The following PSMB2 variants were observed in gnomAD, a reference collection of about 807,000 sequenced individuals.
The protein encoded by PSMB2 is proteasome 20S subunit beta 2.
PSMB2 carries 13 observed loss-of-function variants against 25.7 expected under a neutral mutation model. That is an observed-to-expected ratio of 0.51 (90% CI 0.33 to 0.80). PSMB2 has a LOEUF of 0.80. PSMB2 is among the 30% of genes least tolerant of loss of function. The pLI, the probability that PSMB2 is intolerant of heterozygous loss-of-function variation, is 0.02. For synonymous variants in PSMB2, 87 were observed against 96.2 expected, an observed-to-expected ratio of 0.90 and a Z score of 0.56; for missense variants, 202 against 259.0, an observed-to-expected ratio of 0.78 and a Z score of 1.51.
At chr1:35,606,514 GA>G (rs1650174567) in intron 4 of PSMB2, among the ~76,000 whole-genome samples, 1 of 152,014 alleles carries the variant, frequency 6.6e-6, no homozygotes, top group African/African-American at 2.4e-5. Context: ...CCTCTATAAC[GA>G]AAACTATAAA....
chr1:35,622,855 A>C (rs1650731343), intron 3 of PSMB2, among the ~76,000 whole-genome samples: 1 of 152,134 alleles, frequency 6.6e-6, no homozygotes, highest in Non-Finnish European at 1.5e-5. Context: ...ATTTCCTGAT[A>C]AAGCCAGTAA....
chr1:35,632,333 T>A (rs1390612373), intron 2 of PSMB2, among the ~76,000 whole-genome samples: 1 of 152,230 alleles, frequency 6.6e-6, no homozygotes, highest in African/African-American at 2.4e-5. Flanking sequence ...CCCTGTAGAA[T>A]GGGACCAGTG....
At chr1:35,604,736 T>C (rs1004363088) in intron 5 of PSMB2, among the ~76,000 whole-genome samples, 2 of 152,098 alleles carry the variant, frequency 1.3e-5, no homozygotes, top group Admixed American at 6.5e-5. Context: ...GCTGAAATCG[T>C]GCCACTGCAC....
At chr1:35,608,934 T>G (rs535224732) in intron 4 of PSMB2, among the ~76,000 whole-genome samples, 1 of 152,234 alleles carries the variant, frequency 6.6e-6, no homozygotes, top group Non-Finnish European at 1.5e-5. Context: ...CTCTTAGAAA[T>G]GAAGGATTTT....
rs186104423 is a variant in PSMB2, at chr1:35,624,701, C to T, written c.285+6573G>A. ...CCAGGAGGCAGAGGTTGCAGTGAGCCGAGATTACACCACTGCATTCCAGAC... is the reference window on the plus strand; with the variant it reads ...CCAGGAGGCAGAGGTTGCAGTGAGCTGAGATTACACCACTGCATTCCAGAC... On this transcript the variant is annotated intron_variant, in intron 3 of 5. Transcript: ENST00000373237. Among the ~76,000 whole-genome samples the T allele has an allele frequency of 6.6e-3, 1,002 of 151,120 alleles. 9 individuals are homozygous for T. Among genetic ancestry groups the T allele is most frequent in the African/African-American group, 0.023 (947 of 41,106 alleles).
intron 5 of PSMB2, 101 bp downstream of exon 5, chr1:35,605,132 C>G (rs981489554): frequency 2.3e-5 from 28 of 1,203,854 alleles, no homozygotes; most frequent in Non-Finnish European, 3.2e-5. Flanking sequence ...ATGTATTACA[C>G]CTTCTGGCAA....
intron 4 of PSMB2, among the ~76,000 whole-genome samples, chr1:35,608,682 C>T (rs1028227587): frequency 6.6e-6 from 1 of 152,144 alleles, no homozygotes; most frequent in Non-Finnish European, 1.5e-5. Context: ...GCTTTACGGA[C>T]AAGTAGAGCG....
intron 1 of PSMB2, among the ~76,000 whole-genome samples, chr1:35,639,624 A>G (rs546148759): frequency 7.2e-5 from 11 of 152,360 alleles, no homozygotes; most frequent in African/African-American, 2.6e-4. Flanking sequence ...AGTACTGTGT[A>G]CATAAGTAGG....
intron 4 of PSMB2, among the ~76,000 whole-genome samples, chr1:35,608,919 T>C (rs898468177): frequency 8.5e-5 from 13 of 152,310 alleles, no homozygotes; most frequent in African/African-American, 2.9e-4. Flanking sequence ...GTGAAAAAAC[T>C]TGAACTCTTA....
chr1:35,625,541 C>A (rs1249427060), intron 3 of PSMB2, among the ~76,000 whole-genome samples: 1 of 151,816 alleles, frequency 6.6e-6, no homozygotes, highest in Non-Finnish European at 1.5e-5. Flanking sequence ...GGCGGGTGGA[C>A]CACGAGGTCA....
At chr1:35,619,100 A>G (rs1247912493) in intron 3 of PSMB2, among the ~76,000 whole-genome samples, 2 of 152,232 alleles carry the variant, frequency 1.3e-5, no homozygotes, top group Admixed American at 6.5e-5. Context: ...ATTCTCCGAA[A>G]GTATATTTGG....
chr1:35,603,738 A>G (rs529372150), intron 5 of PSMB2, among the ~76,000 whole-genome samples: 2 of 152,312 alleles, frequency 1.3e-5, no homozygotes, highest in East Asian at 3.9e-4. Context: ...ATAAGCTAAC[A>G]AAGAGTGATT....
intron 3 of PSMB2, among the ~76,000 whole-genome samples, chr1:35,612,193 C>T (rs190626596): frequency 1.2e-3 from 184 of 152,168 alleles, no homozygotes; most frequent in Non-Finnish European, 1.7e-3. Context: ...GAGTAGCGTG[C>T]GGCACTCTGC....
At chr1:35,637,257 G>A (rs757483464) in intron 1 of PSMB2, among the ~76,000 whole-genome samples, 16 of 152,104 alleles carry the variant, frequency 1.1e-4, no homozygotes, top group Non-Finnish European at 2.2e-4. Flanking sequence ...AAAATCAACT[G>A]AGAATATTAA....
In PSMB2 at chr1:35,641,508, G is replaced by T. The variant is rs1651396225; in HGVS notation, c.-76C>A. ...GCTTCCAGGTCTCACCGGTGAGACAGCACCTCAGAGCGAAGATTGGCGCGA... is the reference window on the plus strand; with the variant it reads ...GCTTCCAGGTCTCACCGGTGAGACATCACCTCAGAGCGAAGATTGGCGCGA... On this transcript the variant is annotated 5_prime_UTR_variant, in exon 1 of 6. In the 5' UTR this introduces an upstream ATG that the reference lacks. Coordinates refer to ENST00000373237, the MANE Select transcript of PSMB2 (RefSeq NM_002794.5). 6.3e-7 allele frequency: 1 copy of T among 1,591,736 alleles called. No individual in the cohort carries two copies. The highest frequency in any genetic ancestry group is 1.3e-5 in the African/African-American group (1 of 74,428).
At chr1:35,640,103 T>TACTGTACTGTA (rs11269632) in intron 1 of PSMB2, among the ~76,000 whole-genome samples, 1 of 102,356 alleles carries the variant, frequency 9.8e-6, no homozygotes, top group African/African-American at 3.3e-5. Context: ...TACTATACTA[T>TACTGTACTGTA]CTATACTAAA....
chr1:35,600,890 A>G lies in PSMB2; in HGVS notation c.*2377T>C. The G allele has an allele frequency of 2.0e-6, 2 of 984,966 alleles. No individual in the cohort carries two copies. Among genetic ancestry groups the G allele is most frequent in the Non-Finnish European group, 1.2e-6 (1 of 829,540 alleles). 61.0% of individuals were successfully genotyped at this position (984,966 alleles called of 1,614,324 possible). On this transcript the variant is annotated 3_prime_UTR_variant, in exon 6 of 6. Transcript: ENST00000373237. ...CTTACTGAGCACTTACCACATGCCA[A>G]GCCCTGAACTAAATGTTTACCTATA...
intron 3 of PSMB2, among the ~76,000 whole-genome samples, chr1:35,611,863 G>A (rs920932878): frequency 6.6e-6 from 1 of 151,750 alleles, no homozygotes; most frequent in Non-Finnish European, 1.5e-5. Flanking sequence ...GAGAGATGGG[G>A]TCTCACTATG....
At chr1:35,624,300 T>G (rs1332650156) in intron 3 of PSMB2, among the ~76,000 whole-genome samples, 8 of 152,228 alleles carry the variant, frequency 5.3e-5, no homozygotes, top group African/African-American at 1.7e-4. Flanking sequence ...CCCAAGGTTT[T>G]CAACTAACTC....
Sources: gnomAD v4.1 joint callset for allele counts (sites outside exome capture counted in the v4.1 genomes callset) on GRCh38, gnomAD v4.1.1 for gene constraint, MANE v1.5 for transcripts, NCBI Gene and HGNC (gene_info 2026-07-23, HGNC 2026-07-21) for gene names.